Variants in MARCHF1 observed in about 807,000 individuals in gnomAD.
MARCHF1 encodes E3 ubiquitin-protein ligase MARCHF1.
Under a neutral mutation model 54.2 loss-of-function variants are expected in MARCHF1, and 40 were observed. That is an observed-to-expected ratio of 0.74 (90% CI 0.57 to 0.96). The LOEUF (loss-of-function observed/expected upper bound fraction) is 0.96, where lower values mean the gene tolerates loss of function less well. Ranked by LOEUF, MARCHF1 falls within the 40% of genes least tolerant of loss-of-function variation. The pLI is 0.00. For synonymous variants in MARCHF1, 236 were observed against 236.3 expected (o/e 1.00, Z 0.01); for missense variants, 586 against 656.5 (o/e 0.89, Z 1.17).
intron 3 of MARCHF1, among the ~76,000 whole-genome samples, chr4:163,899,224 T>C (rs188477843): frequency 4.1e-4 from 63 of 152,304 alleles, no homozygotes; most frequent in African/African-American, 1.5e-3. Flanking sequence ...TTTCTTAAAT[T>C]TGTTCCCCCT....
At chr4:163,688,247 A>T (rs534109632) in intron 5 of MARCHF1, among the ~76,000 whole-genome samples, 1 of 152,328 alleles carries the variant, frequency 6.6e-6, no homozygotes, top group Non-Finnish European at 1.5e-5. Flanking sequence ...AAAATAGCTC[A>T]TTAGTACTTA....
intron 1 of MARCHF1, among the ~76,000 whole-genome samples, chr4:164,152,405 G>A (rs1163257278): frequency 6.6e-6 from 1 of 152,136 alleles, no homozygotes; most frequent in African/African-American, 2.4e-5. Flanking sequence ...AAGGGGTCTA[G>A]GGAGTCATGC....
chr4:163,836,524 CG>C (rs1749189405), intron 4 of MARCHF1, among the ~76,000 whole-genome samples: 1 of 115,284 alleles, frequency 8.7e-6, no homozygotes, highest in Admixed American at 9.3e-5. Context: ...GGATTACAGG[CG>C]TGAGCCACCG....
intron 1 of MARCHF1, chr4:164,188,605 C>T (rs1246250157): frequency 2.3e-6 from 2 of 876,702 alleles, no homozygotes; most frequent in African/African-American, 1.6e-5. Flanking sequence ...AATATCTGAT[C>T]GGCGATGCCG....
intron 8 of MARCHF1, among the ~76,000 whole-genome samples, chr4:163,567,974 A>G (rs1739704490): frequency 6.6e-6 from 1 of 152,134 alleles, no homozygotes; most frequent in African/African-American, 2.4e-5. Flanking sequence ...ACTTTCAAAT[A>G]TGTTAAATAA....
At chr4:163,761,220 T>C (rs891066377) in intron 4 of MARCHF1, among the ~76,000 whole-genome samples, 3 of 152,200 alleles carry the variant, frequency 2.0e-5, no homozygotes, top group Admixed American at 6.5e-5. Context: ...ATTCGTTATA[T>C]AGATTTGATG....
At chr4:164,229,738 G>C (rs901862768) in intron 1 of MARCHF1, among the ~76,000 whole-genome samples, 9 of 152,098 alleles carry the variant, frequency 5.9e-5, no homozygotes, top group African/African-American at 1.9e-4. Context: ...AAGGCGAAGG[G>C]GGAGTACAGA....
intron 4 of MARCHF1, among the ~76,000 whole-genome samples, chr4:163,829,452 A>G (rs1057504756): frequency 5.3e-5 from 8 of 152,190 alleles, no homozygotes; most frequent in African/African-American, 1.9e-4. Flanking sequence ...ATTTATGACT[A>G]TCCTATTTTG....
chr4:163,914,015 A>G (rs1468912208), intron 3 of MARCHF1, among the ~76,000 whole-genome samples: 1 of 151,856 alleles, frequency 6.6e-6, no homozygotes, highest in Non-Finnish European at 1.5e-5. Context: ...TTCTTTGTCT[A>G]TTCATAGAAA....
chr4:163,879,804 CGTGTGTGTGT>C (rs60539215), intron 3 of MARCHF1, among the ~76,000 whole-genome samples: 3 of 148,378 alleles, frequency 2.0e-5, no homozygotes, highest in African/African-American at 5.0e-5. Context: ...GATTTAGAGG[CGTGTGTGTGT>C]GTGTGTGTGT....
rs149793986 is a variant in MARCHF1 at position 164,254,257 on chromosome 4, G to A, written c.-323+129613C>T. The stretch of plus-strand genomic sequence containing the variant: ...AGTAGAGATGGGATTTCTCTATGCT[G>A]GCCAGGTTGGTCTCTGTATTCGTCA... On this transcript the variant is annotated intron_variant, in intron 1 of 9. Coordinates refer to ENST00000514618, the MANE Select transcript of MARCHF1 (RefSeq NM_001394959.1). Among the ~76,000 whole-genome samples, 1,174 of 151,276 alleles carry A rather than the reference G, an allele frequency of 7.8e-3. 5 individuals are homozygous for A. Among genetic ancestry groups the A allele is most frequent in the African/African-American group, 0.027 (1,123 of 41,196 alleles).
At chr4:163,750,425 C>T (rs1328193428) in intron 4 of MARCHF1, among the ~76,000 whole-genome samples, 1 of 150,514 alleles carries the variant, frequency 6.6e-6, no homozygotes, top group African/African-American at 2.4e-5. Flanking sequence ...GCAGGAGAAT[C>T]GCTTGAACCC....
chr4:163,934,668 TG>T (rs569227052), intron 3 of MARCHF1, among the ~76,000 whole-genome samples: 24 of 151,642 alleles, frequency 1.6e-4, no homozygotes, highest in African/African-American at 4.8e-4. Flanking sequence ...ATCTTCAGGC[TG>T]TACTTCTACT....
At chr4:163,667,608 A>G (rs761213219) in intron 5 of MARCHF1, among the ~76,000 whole-genome samples, 30 of 152,104 alleles carry the variant, frequency 2.0e-4, no homozygotes, top group South Asian at 4.1e-4. Flanking sequence ...ATACCACTGC[A>G]TAATGTCCAT....
At chr4:164,096,927 A>C (rs76174409) in intron 2 of MARCHF1, among the ~76,000 whole-genome samples, 2,884 of 152,262 alleles carry the variant, frequency 0.019, 82 homozygotes, top group African/African-American at 0.065. Context: ...CTATGAAGAA[A>C]TCACTGAAGC....
At chr4:164,375,779 C>T (rs28665723) in intron 1 of MARCHF1, among the ~76,000 whole-genome samples, 29 of 152,324 alleles carry the variant, frequency 1.9e-4, no homozygotes, top group African/African-American at 7.0e-4. Context: ...ATCACACTCC[C>T]TCTGACTGTG....
intron 2 of MARCHF1, among the ~76,000 whole-genome samples, chr4:164,089,428 C>T (rs1183866187): frequency 6.6e-6 from 1 of 152,046 alleles, no homozygotes; most frequent in African/African-American, 2.4e-5. Context: ...CAGTGTTCTT[C>T]CCTCAAAACA....
chr4:164,031,401 C>T (rs374821724), intron 2 of MARCHF1, among the ~76,000 whole-genome samples: 6 of 149,060 alleles, frequency 4.0e-5, no homozygotes, highest in African/African-American at 1.5e-4. Context: ...ATTAGTCTAG[C>T]TAGTGGGGTA....
intron 1 of MARCHF1, among the ~76,000 whole-genome samples, chr4:164,172,113 C>T (rs1730541533): frequency 6.6e-6 from 1 of 152,160 alleles, no homozygotes; most frequent in African/African-American, 2.4e-5. Flanking sequence ...ATCCTCCTTT[C>T]TTGGCTACCC....
Sources: gnomAD v4.1 joint callset for allele counts (sites outside exome capture counted in the v4.1 genomes callset) on GRCh38, gnomAD v4.1.1 for gene constraint, MANE v1.5 for transcripts, NCBI Gene and HGNC (gene_info 2026-07-23, HGNC 2026-07-21) for gene names.